TENM4: variants seen among roughly 807,000 people sequenced by gnomAD.
TENM4 encodes the protein teneurin-4.
A neutral mutation model predicts 243.3 loss-of-function variants in TENM4; 82 were observed. The ratio of observed to expected loss-of-function variants is 0.34; its 90% CI spans 0.28 to 0.40. The LOEUF is 0.40. Ranked by LOEUF, TENM4 falls within the 10% of genes least tolerant of loss-of-function variation. The probability of loss-of-function intolerance (pLI) is 1.00; values close to 1 mark genes in which losing one functional copy is unlikely to be tolerated. For missense variants in TENM4, 3,138 were observed against 3,673.3 expected (o/e 0.85, Z 3.77); for synonymous variants, 1,412 against 1,456.3 (o/e 0.97, Z 0.69).
chr11:79,228,545 C>G (rs1355890688), intron 2 of TENM4, among the ~76,000 whole-genome samples: 2 of 152,062 alleles, frequency 1.3e-5, no homozygotes, highest in African/African-American at 4.8e-5. Flanking sequence ...CCTCACGTGC[C>G]CACCCACGCA....
intron 6 of TENM4, among the ~76,000 whole-genome samples, chr11:78,940,170 C>T (rs948428103): frequency 2.0e-5 from 3 of 152,176 alleles, no homozygotes; most frequent in African/African-American, 7.2e-5. Context: ...TAGGTTCATA[C>T]TGTATATACA....
chr11:79,084,438 T>A (rs554158208), intron 4 of TENM4, among the ~76,000 whole-genome samples: 1 of 152,324 alleles, frequency 6.6e-6, no homozygotes, highest in South Asian at 2.1e-4. Flanking sequence ...AAAAGCTTTA[T>A]TCATAATAGC....
At chr11:79,140,460 A>C (rs1427989907) in intron 4 of TENM4, among the ~76,000 whole-genome samples, 1 of 152,094 alleles carries the variant, frequency 6.6e-6, no homozygotes, top group Non-Finnish European at 1.5e-5. Context: ...TCATAGTCAA[A>C]ATAGTCAGCA....
intron 2 of TENM4, among the ~76,000 whole-genome samples, chr11:79,231,070 A>T (rs1864364302): frequency 6.6e-6 from 1 of 152,240 alleles, no homozygotes; most frequent in Non-Finnish European, 1.5e-5. Context: ...CTTAACAAAA[A>T]TGAAAGTTAA....
chr11:78,919,583 T>C (rs1856399080), intron 6 of TENM4, among the ~76,000 whole-genome samples: 1 of 152,122 alleles, frequency 6.6e-6, no homozygotes, highest in Non-Finnish European at 1.5e-5. Flanking sequence ...TAGATAAGCT[T>C]GCAGGGGTCC....
intron 12 of TENM4, among the ~76,000 whole-genome samples, chr11:78,840,665 C>T (rs1393502870): frequency 6.6e-6 from 1 of 152,190 alleles, no homozygotes; most frequent in Non-Finnish European, 1.5e-5. Flanking sequence ...TACTCTTCCG[C>T]CCAGAGAAGT....
Position 78,950,214 on chromosome 11 carries a change from T to A in TENM4, c.494-46691A>T, listed in dbSNP as rs553673670. Among the ~76,000 whole-genome samples the A allele has an allele frequency of 3.3e-5, 5 of 152,272 alleles. No individual in the cohort carries two copies. The South Asian group carries it at 1.0e-3, about 32-fold the overall frequency. ...AAATAAGCTGCTTAGCCAGACCTCA[T>A]GCATCATCTTGTCATCCACACAGGG... On this transcript the variant is annotated intron_variant, in intron 6 of 33. Transcript: ENST00000278550.
intron 6 of TENM4, among the ~76,000 whole-genome samples, chr11:78,942,093 T>C (rs1007675129): frequency 1.4e-5 from 2 of 140,328 alleles, no homozygotes; most frequent in African/African-American, 5.5e-5. Context: ...TTAACACTAA[T>C]GATAGCTGAT....
chr11:79,033,599 T>A (rs886630865), intron 6 of TENM4, among the ~76,000 whole-genome samples: 7 of 152,208 alleles, frequency 4.6e-5, no homozygotes, highest in South Asian at 4.1e-4. Context: ...TCTTGCACCA[T>A]AAACAGTCTC....
At chr11:79,218,284 A>G (rs947392158) in intron 2 of TENM4, among the ~76,000 whole-genome samples, 5 of 133,930 alleles carry the variant, frequency 3.7e-5, no homozygotes, top group Non-Finnish European at 7.8e-5. Context: ...GACAGCAGGA[A>G]ATTGGCTGCC....
intron 4 of TENM4, among the ~76,000 whole-genome samples, chr11:79,134,766 T>C (rs1862074885): frequency 6.6e-6 from 1 of 152,122 alleles, no homozygotes; most frequent in Admixed American, 6.6e-5. Flanking sequence ...ATTCAACACA[T>C]GGTGCTGGGA....
At chr11:79,378,724 AAAG>A (rs1388094308) in intron 1 of TENM4, among the ~76,000 whole-genome samples, 4 of 152,038 alleles carry the variant, frequency 2.6e-5, no homozygotes, top group African/African-American at 9.7e-5. Flanking sequence ...TGGATAATAG[AAAG>A]AAGATGAGAG....
chr11:79,259,572 T>G (rs1312685938), intron 2 of TENM4, among the ~76,000 whole-genome samples: 16 of 149,704 alleles, frequency 1.1e-4, no homozygotes, highest in Admixed American at 1.1e-3. Context: ...CATCCACTCA[T>G]CCATGCATCT....
At chr11:78,700,918 C>T (rs926128772) in intron 28 of TENM4, among the ~76,000 whole-genome samples, 9 of 152,042 alleles carry the variant, frequency 5.9e-5, no homozygotes, top group South Asian at 2.1e-4. Context: ...CATATTACAG[C>T]GTAATATGCA....
intron 6 of TENM4, among the ~76,000 whole-genome samples, chr11:78,934,354 T>C (rs1037083703): frequency 6.6e-6 from 1 of 152,210 alleles, no homozygotes; most frequent in Non-Finnish European, 1.5e-5. Context: ...AGATCTCAGT[T>C]ATTGTCCTGC....
intron 6 of TENM4, among the ~76,000 whole-genome samples, chr11:78,943,384 CAG>C (rs1565137238): frequency 6.6e-6 from 1 of 152,150 alleles, no homozygotes; most frequent in Non-Finnish European, 1.5e-5. Flanking sequence ...GGGTGGGCGT[CAG>C]TGTGAGCAGC....
At chr11:79,044,014 G>A (rs1160066195) in intron 6 of TENM4, among the ~76,000 whole-genome samples, 1 of 152,138 alleles carries the variant, frequency 6.6e-6, no homozygotes, top group African/African-American at 2.4e-5. Context: ...TGAACTTCAT[G>A]CTTCCAGGGT....
chr11:79,398,000 G>A (rs1314275232), intron 1 of TENM4, among the ~76,000 whole-genome samples: 6 of 152,224 alleles, frequency 3.9e-5, no homozygotes, highest in Middle Eastern at 3.4e-3. Context: ...CATTCCCAGC[G>A]AGGAAAAATT....
intron 6 of TENM4, among the ~76,000 whole-genome samples, chr11:79,031,690 C>T (rs1489717273): frequency 2.0e-5 from 3 of 152,260 alleles, no homozygotes; most frequent in South Asian, 2.1e-4. Context: ...ACTTGTGAGG[C>T]GGGCACAGAG....
Sources: gnomAD v4.1 joint callset for allele counts (sites outside exome capture counted in the v4.1 genomes callset) on GRCh38, gnomAD v4.1.1 for gene constraint, MANE v1.5 for transcripts, NCBI Gene and HGNC (gene_info 2026-07-23, HGNC 2026-07-21) for gene names.